The following SLC24A2 variants were observed in gnomAD, a reference collection of about 807,000 sequenced individuals.
SLC24A2 encodes solute carrier family 24 member 2, also known as sodium/potassium/calcium exchanger 2.
A neutral mutation model predicts 62.0 loss-of-function variants in SLC24A2; 36 were observed. That is an observed-to-expected ratio of 0.58 (90% CI 0.44 to 0.77). The LOEUF is 0.77. Among genes scored for constraint, SLC24A2 ranks in the 30% least tolerant of loss-of-function variants. The pLI, the probability that SLC24A2 is intolerant of heterozygous loss-of-function variation, is 0.00. For synonymous variants in SLC24A2, 358 were observed against 294.0 expected, an observed-to-expected ratio of 1.22 and a Z score of -2.23; for missense variants, 846 against 817.9, an observed-to-expected ratio of 1.03 and a Z score of -0.42.
chr9:19,984,994 G>C, the SLC24A2 span, among the ~76,000 whole-genome samples: 2 of 143,578 alleles, frequency 1.4e-5, no homozygotes, highest in African/African-American at 5.3e-5. Flanking sequence ...TCAACATGGT[G>C]AAATCCCGTC....
intron 2 of SLC24A2, among the ~76,000 whole-genome samples, chr9:19,765,252 T>C (rs1822475512): frequency 6.6e-6 from 1 of 152,202 alleles, no homozygotes; most frequent in Non-Finnish European, 1.5e-5. Flanking sequence ...CTTTATCCAA[T>C]TTGCCAGTCT....
chr9:19,567,659 T>C (rs1183235515), intron 7 of SLC24A2, among the ~76,000 whole-genome samples: 1 of 136,020 alleles, frequency 7.4e-6, no homozygotes, highest in African/African-American at 2.7e-5. Flanking sequence ...TAAACCATAC[T>C]AAGTAAATGC....
the SLC24A2 span, among the ~76,000 whole-genome samples, chr9:19,862,723 GT>G: frequency 1.1e-3 from 161 of 151,816 alleles, 1 homozygote; most frequent in African/African-American, 3.2e-3. Context: ...GTCTTCATTA[GT>G]TTTTTTTGCT....
chr9:19,958,902 C>T, the SLC24A2 span, among the ~76,000 whole-genome samples: 1 of 152,092 alleles, frequency 6.6e-6, no homozygotes, highest in Non-Finnish European at 1.5e-5. Flanking sequence ...ATTTTTGAGG[C>T]CCTGCTTTAA....
intron 7 of SLC24A2, among the ~76,000 whole-genome samples, chr9:19,565,060 G>A (rs1318908853): frequency 1.3e-5 from 2 of 152,042 alleles, no homozygotes; most frequent in Non-Finnish European, 2.9e-5. Flanking sequence ...CACAAGACAG[G>A]GATGTCTTCT....
intron 2 of SLC24A2, among the ~76,000 whole-genome samples, chr9:19,630,173 T>G (rs988950830): frequency 2.6e-5 from 4 of 152,184 alleles, no homozygotes; most frequent in Non-Finnish European, 5.9e-5. Flanking sequence ...TAGTCACATT[T>G]TATCACACAT....
chr9:19,811,717 C>T, the SLC24A2 span, among the ~76,000 whole-genome samples: 1 of 152,116 alleles, frequency 6.6e-6, no homozygotes, highest in Non-Finnish European at 1.5e-5. Flanking sequence ...TACCACTTTT[C>T]TGATAACATT....
At chr9:19,976,126 T>A in the SLC24A2 span, among the ~76,000 whole-genome samples, 1 of 152,186 alleles carries the variant, frequency 6.6e-6, no homozygotes, top group East Asian at 1.9e-4. Context: ...TCAAGCCATC[T>A]TCCTGCCTCA....
At chr9:19,863,647 AT>A in the SLC24A2 span, among the ~76,000 whole-genome samples, 94,049 of 151,376 alleles carry the variant, frequency 0.62, 29,736 homozygotes, top group Non-Finnish European at 0.65. Context: ...AGGAAATTGA[AT>A]TTTTTTTTAA....
chr9:19,882,519 C>T, the SLC24A2 span, among the ~76,000 whole-genome samples: 10 of 152,048 alleles, frequency 6.6e-5, no homozygotes, highest in African/African-American at 2.4e-4. Flanking sequence ...ACCCACTTTC[C>T]TTAGTTCCCT....
rs140341417 is a variant in SLC24A2 at position 19,663,489 on chromosome 9, C to T, written c.931-41190G>A. Among the ~76,000 whole-genome samples, 10 of 152,196 alleles carry T rather than the reference C, an allele frequency of 6.6e-5. No individual in the cohort carries two copies. The East Asian group carries it at 1.7e-3, about 26-fold the overall frequency. On this transcript the variant is annotated intron_variant, in intron 2 of 10. Coordinates refer to ENST00000341998, the MANE Select transcript of SLC24A2 (RefSeq NM_020344.4). ...CCTTCCGCAATCTGTCAACTGTGAACGGTAGTGACAGAAGATGCCTCCTGA... is the reference window on the plus strand; with the variant it reads ...CCTTCCGCAATCTGTCAACTGTGAATGGTAGTGACAGAAGATGCCTCCTGA...
intron 2 of SLC24A2, among the ~76,000 whole-genome samples, chr9:19,735,177 C>G (rs913702688): frequency 6.6e-6 from 1 of 151,924 alleles, no homozygotes; most frequent in Non-Finnish European, 1.5e-5. Context: ...AAAAAAAACC[C>G]CATCAACAAG....
the SLC24A2 span, among the ~76,000 whole-genome samples, chr9:20,093,532 T>G: frequency 6.6e-6 from 1 of 152,238 alleles, no homozygotes; most frequent in Non-Finnish European, 1.5e-5. Context: ...ACCAAAAATA[T>G]GTAAGACTTC....
the SLC24A2 span, among the ~76,000 whole-genome samples, chr9:20,228,895 G>C: frequency 6.6e-6 from 1 of 152,158 alleles, no homozygotes; most frequent in Non-Finnish European, 1.5e-5. Flanking sequence ...GTGAAGCATG[G>C]TGGTGGCTGG....
chr9:19,544,849 G>T (rs1403412327), intron 8 of SLC24A2, among the ~76,000 whole-genome samples: 1 of 152,150 alleles, frequency 6.6e-6, no homozygotes, highest in Admixed American at 6.5e-5. Context: ...CTCTCTGGCT[G>T]CCCTTAACAA....
the SLC24A2 span, among the ~76,000 whole-genome samples, chr9:19,806,254 G>A: frequency 6.6e-6 from 1 of 152,140 alleles, no homozygotes; most frequent in Admixed American, 6.6e-5. Flanking sequence ...TCAGGCATCG[G>A]GAGCTTAGCT....
At chr9:19,879,587 A>G in the SLC24A2 span, among the ~76,000 whole-genome samples, 3 of 152,160 alleles carry the variant, frequency 2.0e-5, no homozygotes, top group Non-Finnish European at 4.4e-5. Context: ...CATAGTAGTA[A>G]TAGTAGTATC....
the SLC24A2 span, among the ~76,000 whole-genome samples, chr9:20,076,746 C>CA: frequency 1.3e-4 from 19 of 150,108 alleles, no homozygotes; most frequent in East Asian, 1.2e-3. Flanking sequence ...AGAAAAGTGC[C>CA]AAAAAAAAGT....
chr9:20,076,876 T>TACAC, the SLC24A2 span, among the ~76,000 whole-genome samples: 3 of 120,490 alleles, frequency 2.5e-5, no homozygotes, highest in African/African-American at 9.8e-5. Flanking sequence ...TATATATATA[T>TACAC]ATATACATAT....
Sources: gnomAD v4.1 joint callset for allele counts (sites outside exome capture counted in the v4.1 genomes callset) on GRCh38, gnomAD v4.1.1 for gene constraint, MANE v1.5 for transcripts, NCBI Gene and HGNC (gene_info 2026-07-23, HGNC 2026-07-21) for gene names.